The following HAVCR1 variants were observed in gnomAD, a reference collection of about 807,000 sequenced individuals.
HAVCR1 encodes the protein hepatitis A virus cellular receptor 1, also known as T cell immunoglobin domain and mucin domain protein 1.
Under a neutral mutation model 32.0 loss-of-function variants are expected in HAVCR1, and 34 were observed. The observed-to-expected ratio is 1.06, with a 90% confidence interval of 0.81 to 1.42. HAVCR1 has a LOEUF of 1.42. HAVCR1 is among the 40% of genes most tolerant of loss of function. The pLI, the probability that HAVCR1 is intolerant of heterozygous loss-of-function variation, is 0.00. For synonymous variants in HAVCR1, 178 were observed against 170.3 expected (o/e 1.05, Z -0.35); for missense variants, 420 against 442.3 (o/e 0.95, Z 0.45).
intron 5 of HAVCR1, among the ~76,000 whole-genome samples, chr5:157,044,412 G>A (rs1440769410): frequency 3.9e-3 from 161 of 40,944 alleles, no homozygotes; most frequent in African/African-American, 0.012. Flanking sequence ...AAGGAAGGAA[G>A]GAAGGAAGGA....
At chr5:157,068,631 T>G in the HAVCR1 span, among the ~76,000 whole-genome samples, 1 of 148,638 alleles carries the variant, frequency 6.7e-6, no homozygotes, top group African/African-American at 2.5e-5. Context: ...CTGCACATTA[T>G]CTTTATATGG....
chr5:157,058,638 G>A (rs997458700), intron 1 of HAVCR1, among the ~76,000 whole-genome samples: 7 of 152,212 alleles, frequency 4.6e-5, no homozygotes, highest in African/African-American at 1.7e-4. Context: ...ATGGCAGCAC[G>A]AGAGCAAATG....
intron 8 of HAVCR1, among the ~76,000 whole-genome samples, chr5:157,030,645 T>C (rs1055446125): frequency 6.6e-6 from 1 of 152,058 alleles, no homozygotes; most frequent in African/African-American, 2.4e-5. Flanking sequence ...AGACTCTGTC[T>C]CAAAAAAAGA....
At chr5:157,037,217 T>C (rs755547153) in intron 7 of HAVCR1, 30 bp downstream of exon 7, 1 of 1,123,730 alleles carries the variant, frequency 8.9e-7, no homozygotes, top group Admixed American at 1.7e-5. Flanking sequence ...ACATCCCTTG[T>C]CCCTTAGGAA....
the HAVCR1 span, among the ~76,000 whole-genome samples, chr5:157,068,501 C>A: frequency 6.6e-6 from 1 of 151,412 alleles, no homozygotes; most frequent in Admixed American, 6.6e-5. Context: ...GTGGGAGGAT[C>A]GCTTGGGCCC....
chr5:157,060,904 T>A (rs930301401), upstream of HAVCR1, among the ~76,000 whole-genome samples: 21 of 151,474 alleles, frequency 1.4e-4, no homozygotes, highest in African/African-American at 4.6e-4. Context: ...ATTTTTAATT[T>A]TTTTTTTTTC....
chr5:157,056,178 C>T lies in HAVCR1; in HGVS notation c.47-645G>A, dbSNP rs1756128179. ...CTCCTGACCTCAAGTGATCCACCCA[C>T]CTGAGCATCCCAAAGTGCTGGGATT... On this transcript the variant is annotated intron_variant, in intron 2 of 8. Coordinates refer to ENST00000523175, the MANE Select transcript of HAVCR1 (RefSeq NM_001173393.3). Among the ~76,000 whole-genome samples the T allele has an allele frequency of 5.3e-5, 8 of 151,592 alleles. No homozygotes were observed. In the South Asian group the frequency reaches 1.7e-3, roughly 32 times the overall value.
intron 5 of HAVCR1, among the ~76,000 whole-genome samples, chr5:157,044,430 A>G (rs1193155908): frequency 3.6e-3 from 107 of 29,758 alleles, no homozygotes; most frequent in East Asian, 0.012. Context: ...GGAGAAAGAA[A>G]GAAAGAAAGA....
rs746828284 is a variant in HAVCR1, at chr5:157,047,616, G to T, written c.781+1422C>A. Among the ~76,000 whole-genome samples, 47 of 152,016 alleles carry T rather than the reference G, an allele frequency of 3.1e-4. 2 individuals are homozygous for T. Among genetic ancestry groups the T allele is most frequent in the Admixed American group, 1.3e-4 (2 of 15,246 alleles). On this transcript the variant is annotated intron_variant, in intron 5 of 8. Coordinates refer to ENST00000523175, the MANE Select transcript of HAVCR1 (RefSeq NM_001173393.3). ...CTTCCAGATAGTCAAACACTTGGAG[G>T]TTCCTAGAAGGTGAAGTTCCCAAGG...
chr5:157,067,493 C>T, the HAVCR1 span, among the ~76,000 whole-genome samples: 5 of 152,038 alleles, frequency 3.3e-5, no homozygotes, highest in African/African-American at 9.7e-5. Flanking sequence ...AGTGAGTCCC[C>T]ATCTCTACAA....
the HAVCR1 span, among the ~76,000 whole-genome samples, chr5:157,067,569 G>A: frequency 6.6e-6 from 1 of 152,276 alleles, no homozygotes; most frequent in Admixed American, 6.5e-5. Context: ...TACCTGGAAG[G>A]CTGAGATTGA....
intron 8 of HAVCR1, among the ~76,000 whole-genome samples, chr5:157,030,119 T>C (rs1754087253): frequency 1.3e-5 from 2 of 152,026 alleles, no homozygotes; most frequent in South Asian, 4.1e-4. Flanking sequence ...CATAATAGAA[T>C]ACAAAAATGG....
chr5:157,055,713 A>AG (rs1756088718), intron 2 of HAVCR1, among the ~76,000 whole-genome samples, 180 bp from the exon 3 acceptor site: 1 of 151,934 alleles, frequency 6.6e-6, no homozygotes, highest in Admixed American at 6.6e-5. Context: ...TAAAAAAAAA[A>AG]TTACAAAAAT....
Position 157,055,473 on chromosome 5 carries a change from C to A in HAVCR1, c.107G>T (p.Cys36Phe). 1 of 1,609,060 alleles carries A rather than the reference C, an allele frequency of 6.2e-7. No homozygotes were observed. The change falls in exon 3 of 9, where the codon TGC becomes TTC. Residue 36 changes from cysteine to phenylalanine, a missense_variant. Physicochemically the swap from Cys to Phe is radical, Grantham distance 205. Coordinates refer to ENST00000523175, the MANE Select transcript of HAVCR1 (RefSeq NM_001173393.3). ...GGATGTGACAGCTCCACTGTAGTGG[C>A]AGGGTAGTGTGACAGATGGACCTGC... Reference protein sequence around the residue: ...GEAGPSVTLPCHYSGAVTSMC... With the variant: ...GEAGPSVTLPFHYSGAVTSMC...
In HAVCR1 at chr5:157,033,215, G is replaced by A. The variant is rs112837701; in HGVS notation, c.953-328C>T. ...TCTGATAGGCTACTGAACAACAGGC[G>A]TCAACCAAGATTTGTTTTAGATGAA... On this transcript the variant is annotated intron_variant, in intron 7 of 8. Transcript: ENST00000523175. Among the ~76,000 whole-genome samples, 511 of 152,126 alleles carry A rather than the reference G, an allele frequency of 3.4e-3. 6 individuals are homozygous for A. The highest frequency in any genetic ancestry group is 0.011 in the African/African-American group (468 of 41,490).
chr5:157,062,297 C>T (rs908564498), upstream of HAVCR1, among the ~76,000 whole-genome samples: 1 of 152,066 alleles, frequency 6.6e-6, no homozygotes, highest in Non-Finnish European at 1.5e-5. Context: ...TGCTCGAACC[C>T]GGGAGGTGGA....
intron 2 of HAVCR1, among the ~76,000 whole-genome samples, chr5:157,056,403 A>T (rs1231689304): frequency 6.8e-6 from 1 of 146,200 alleles, no homozygotes; most frequent in Non-Finnish European, 1.5e-5. Flanking sequence ...TTTTTGAGAC[A>T]GAGTCTTGCT....
intron 8 of HAVCR1, among the ~76,000 whole-genome samples, chr5:157,031,330 T>A (rs1216380293): frequency 6.6e-6 from 1 of 152,136 alleles, no homozygotes; most frequent in Non-Finnish European, 1.5e-5. Flanking sequence ...TGTACAAGCA[T>A]CCAATGAAGG....
At chr5:157,052,997 C>T (rs1443154492) in intron 3 of HAVCR1, among the ~76,000 whole-genome samples, 1 of 152,162 alleles carries the variant, frequency 6.6e-6, no homozygotes, top group African/African-American at 2.4e-5. Flanking sequence ...ACTGCTGCCT[C>T]GAACTCCCAG....
Sources: gnomAD v4.1 joint callset for allele counts (sites outside exome capture counted in the v4.1 genomes callset) on GRCh38, gnomAD v4.1.1 for gene constraint, MANE v1.5 for transcripts, NCBI Gene and HGNC (gene_info 2026-07-23, HGNC 2026-07-21) for gene names.